The following NFIX variants were observed in gnomAD, a reference collection of about 807,000 sequenced individuals.
The protein encoded by NFIX is nuclear factor I X, also known as nuclear factor 1 X-type.
A neutral mutation model predicts 53.3 loss-of-function variants in NFIX; 2 were observed. That is an observed-to-expected ratio of 0.04 (90% CI 0.02 to 0.12). NFIX has a LOEUF of 0.12. Ranked by LOEUF, NFIX falls within the 10% of genes least tolerant of loss-of-function variation. NFIX has a pLI of 1.00. For missense variants in NFIX, 310 were observed against 674.5 expected, an observed-to-expected ratio of 0.46 and a Z score of 5.99; for synonymous variants, 244 against 289.0, an observed-to-expected ratio of 0.84 and a Z score of 1.58.
intron 8 of NFIX, among the ~76,000 whole-genome samples, chr19:13,085,618 C>T (rs1176453588): frequency 6.6e-6 from 1 of 152,240 alleles, no homozygotes; most frequent in African/African-American, 2.4e-5. Flanking sequence ...AAAAGTTCTC[C>T]AGCCCTTGAC....
At position 13,014,397 on chromosome 19, in the gene NFIX, C is replaced by T. The variant is rs1190735961; in HGVS notation, c.28-10624C>T. 3.3e-5 allele frequency: 5 copies of T among 152,360 alleles called. No individual in the cohort carries two copies. In the East Asian group the frequency reaches 9.6e-4, roughly 29 times the overall value. 9.4% of individuals were successfully genotyped at this position (152,360 alleles called of 1,614,324 possible). A position where few individuals can be genotyped will look rare whatever the true frequency, so the allele number is the denominator to read the frequency against. On this transcript the variant is annotated intron_variant, in intron 1 of 10. Transcript: ENST00000592199. The surrounding 1 kb of genome is among the most constrained non-coding windows in gnomAD (Gnocchi z 4.4). ...AAAAGAAAGAAAGGAAGAAAGGAGCCGGGCTCTGGTACCCCGATGCCAGCC... is the reference window on the plus strand; with the variant it reads ...AAAAGAAAGAAAGGAAGAAAGGAGCTGGGCTCTGGTACCCCGATGCCAGCC...
Position 13,092,751 on chromosome 19 carries a change from C to T in NFIX, c.1495-1884C>T, listed in dbSNP as rs912451501. Among the ~76,000 whole-genome samples the T allele has an allele frequency of 1.2e-4, 18 of 152,362 alleles. 1 individual carries two copies. Among genetic ancestry groups the T allele is most frequent in the Non-Finnish European group, 1.9e-4 (13 of 68,018 alleles). On this transcript the variant is annotated intron_variant, in intron 10 of 10. Coordinates refer to ENST00000592199, the MANE Select transcript of NFIX (RefSeq NM_001365902.3). ...GCAGGTGGGGGTCACCCAGCCCAGGCGCTTCCCACCCCCGGGCCTGGGCCA... is the reference window on the plus strand; with the variant it reads ...GCAGGTGGGGGTCACCCAGCCCAGGTGCTTCCCACCCCCGGGCCTGGGCCA...
At chr19:13,031,476 C>T (rs534625180) in intron 2 of NFIX, among the ~76,000 whole-genome samples, 3 of 152,242 alleles carry the variant, frequency 2.0e-5, no homozygotes, top group South Asian at 4.1e-4. Flanking sequence ...TACTTTTTGG[C>T]GCTTCCAAAG....
chr19:13,066,934 C>T lies in NFIX; in HGVS notation c.560-6113C>T, dbSNP rs942708116. ...CCCCTGAGTCTCCTGTCTGCTGAGA[C>T]GGGGAGAACCCCTCTGTGACCCGTC... is the stretch of plus-strand genomic sequence containing the variant. On this transcript the variant is annotated intron_variant, in intron 2 of 10. Transcript: ENST00000592199. This position sits in a 1 kb window ranked among gnomAD's most constrained non-coding sequence, Gnocchi z 4.2. 1.3e-5 allele frequency among the ~76,000 whole-genome samples: 2 copies of T among 152,152 alleles called. No homozygotes were observed. Among genetic ancestry groups the T allele is most frequent in the African/African-American group, 4.8e-5 (2 of 41,426 alleles).
intron 2 of NFIX, among the ~76,000 whole-genome samples, chr19:13,026,332 G>T (rs916973308): frequency 1.3e-5 from 2 of 151,844 alleles, no homozygotes; most frequent in African/African-American, 4.8e-5. Flanking sequence ...GGCATGGCAG[G>T]GAGCAGCGTT....
chr19:13,083,866 C>T (rs994822323), intron 8 of NFIX, among the ~76,000 whole-genome samples: 28 of 152,230 alleles, frequency 1.8e-4, no homozygotes, highest in Non-Finnish European at 1.9e-4. Flanking sequence ...GGGCCCGGCT[C>T]CGCCACTGAT....
rs946471804 is a variant in NFIX, at chr19:13,089,901, C to G, written c.1403-398C>G. Among the ~76,000 whole-genome samples the G allele has an allele frequency of 6.6e-6, 1 of 152,192 alleles. No individual in the cohort carries two copies. On this transcript the variant is annotated intron_variant, in intron 9 of 10. Coordinates refer to ENST00000592199, the MANE Select transcript of NFIX (RefSeq NM_001365902.3). This position sits in a 1 kb window ranked among gnomAD's most constrained non-coding sequence, Gnocchi z 4.8. ...AAAGCAGGGTTATCCACTGAGGGTACCTGGGGACCAGGGCTATCCCCAGCC... is the reference window on the plus strand; with the variant it reads ...AAAGCAGGGTTATCCACTGAGGGTAGCTGGGGACCAGGGCTATCCCCAGCC...
At chr19:13,024,054 C>A in intron 1 of NFIX, 2 of 1,362,482 alleles carry the variant, frequency 1.5e-6, no homozygotes, top group Non-Finnish European at 2.0e-6. Context: ...TAATTTTTTC[C>A]AGTTTTATTT....
At chr19:13,032,326 G>A (rs1176666745) in intron 2 of NFIX, among the ~76,000 whole-genome samples, 1 of 152,146 alleles carries the variant, frequency 6.6e-6, no homozygotes, top group African/African-American at 2.4e-5. Flanking sequence ...AGGAGGTGTA[G>A]GGGTTTAAAT....
Position 13,040,610 on chromosome 19 carries a change from C to G in NFIX, c.559+15058C>G, listed in dbSNP as rs988313624. ...CATGGCTGCTATTCCTGCCCTCCAT[C>G]TCCTGGAGACCCCTTCAGTCTGGGC... is the stretch of plus-strand genomic sequence containing the variant. On this transcript the variant is annotated intron_variant, in intron 2 of 10. Transcript: ENST00000592199. This position sits in a 1 kb window ranked among gnomAD's most constrained non-coding sequence, Gnocchi z 4.2. Among the ~76,000 whole-genome samples the G allele has an allele frequency of 6.6e-6, 1 of 152,224 alleles. No homozygotes were observed. Among genetic ancestry groups the G allele is most frequent in the Admixed American group, 6.5e-5 (1 of 15,290 alleles).
intron 7 of NFIX, among the ~76,000 whole-genome samples, chr19:13,080,297 A>G (rs2017381815): frequency 6.6e-6 from 1 of 152,162 alleles, no homozygotes; most frequent in African/African-American, 2.4e-5. Flanking sequence ...TTCCTGCTCT[A>G]TTACTCAGGC....
In NFIX at chr19:13,043,049, A is replaced by G. The variant is rs559882211; in HGVS notation, c.559+17497A>G. On this transcript the variant is annotated intron_variant, in intron 2 of 10. Coordinates refer to ENST00000592199, the MANE Select transcript of NFIX (RefSeq NM_001365902.3). The surrounding 1 kb of genome is among the most constrained non-coding windows in gnomAD (Gnocchi z 4.0). The stretch of plus-strand genomic sequence containing the variant: ...TACATATCGTGTACATTGCACATAC[A>G]TGTCATGTCAGGATGCACTTTTACA... Among the ~76,000 whole-genome samples, 6 of 152,202 alleles carry G rather than the reference A, an allele frequency of 3.9e-5. No individual in the cohort carries two copies. The South Asian group carries it at 1.2e-3, about 32-fold the overall frequency.
Position 13,095,595 on chromosome 19 carries a change from G to C in NFIX, c.*946G>C, listed in dbSNP as rs1163212390. The stretch of plus-strand genomic sequence containing the variant: ...CAGGTGCCCTCGCTCCGCCCCATCA[G>C]TTCCTGCCCCTGCCCCTCATGCAGA... On this transcript the variant is annotated 3_prime_UTR_variant, in exon 11 of 11. Coordinates refer to ENST00000592199, the MANE Select transcript of NFIX (RefSeq NM_001365902.3). 1.3e-5 allele frequency: 2 copies of C among 152,266 alleles called. No homozygotes were observed. Among genetic ancestry groups the C allele is most frequent in the African/African-American group, 4.8e-5 (2 of 41,398 alleles). 9.4% of individuals were successfully genotyped at this position (152,266 alleles called of 1,614,324 possible).
In NFIX at chr19:13,068,283, G is replaced by A. The variant is rs2016556872; in HGVS notation, c.560-4764G>A. 6.6e-6 allele frequency among the ~76,000 whole-genome samples: 1 copy of A among 152,094 alleles called. No homozygotes were observed. The highest frequency in any genetic ancestry group is 1.5e-5 in the Non-Finnish European group (1 of 68,028). On this transcript the variant is annotated intron_variant, in intron 2 of 10. Transcript: ENST00000592199. This position sits in a 1 kb window ranked among gnomAD's most constrained non-coding sequence, Gnocchi z 4.2. ...CTGCAAACAGCAGAAGGAAGAGGGG[G>A]GTGCTGAAGAGGTGAGGGGGAGGCA... is the stretch of plus-strand genomic sequence containing the variant.
intron 1 of NFIX, chr19:13,024,445 A>C: frequency 6.9e-7 from 1 of 1,449,558 alleles, no homozygotes; most frequent in South Asian, 1.4e-5. Flanking sequence ...GGGAGAGGGA[A>C]GCCTGATCTG....
At chr19:13,029,862 G>T (rs2013662487) in intron 2 of NFIX, among the ~76,000 whole-genome samples, 1 of 152,208 alleles carries the variant, frequency 6.6e-6, no homozygotes, top group Non-Finnish European at 1.5e-5. Context: ...CAGGTCTGAG[G>T]GAGGGCTGCC....
chr19:13,059,944 C>A (rs935523271), intron 2 of NFIX, among the ~76,000 whole-genome samples: 1 of 151,810 alleles, frequency 6.6e-6, no homozygotes, highest in Non-Finnish European at 1.5e-5. Flanking sequence ...CCACCACACC[C>A]GGTTAATTTT....
At chr19:12,999,564 G>A (rs766688848) in intron 1 of NFIX, among the ~76,000 whole-genome samples, 2 of 152,094 alleles carry the variant, frequency 1.3e-5, no homozygotes, top group Non-Finnish European at 2.9e-5. Context: ...GGGATAAAAA[G>A]GCAAACATGC....
At position 13,073,273 on chromosome 19, in the gene NFIX, T is replaced by TC; in HGVS notation, c.623-143dup. ...AGGGGATGGGGGCACACCTAGAGGA[T>TC]CCCCCCTGTTCGGTGTAGACCTGAG... On this transcript the variant is annotated intron_variant, in intron 3 of 10. Coordinates refer to ENST00000592199, the MANE Select transcript of NFIX (RefSeq NM_001365902.3). This position sits in a 1 kb window ranked among gnomAD's most constrained non-coding sequence, Gnocchi z 4.5. The TC allele has an allele frequency of 1.1e-6, 1 of 894,106 alleles. No homozygotes were observed. The highest frequency in any genetic ancestry group is 1.9e-6 in the Non-Finnish European group (1 of 533,042). The allele number at this position is 894,106 out of a possible 1,614,324, so 55.4% of individuals were successfully genotyped here.
Sources: gnomAD v4.1 joint callset for allele counts (sites outside exome capture counted in the v4.1 genomes callset) on GRCh38, gnomAD v4.1.1 for gene constraint, Gnocchi (gnomAD v3.1) non-coding constraint, MANE v1.5 for transcripts, NCBI Gene and HGNC (gene_info 2026-07-23, HGNC 2026-07-21) for gene names.